Variants in CTNNA3 observed in about 807,000 individuals in gnomAD.
CTNNA3 encodes catenin alpha 3.
In CTNNA3, 76 loss-of-function variants were observed where a neutral mutation model predicts 95.7. The observed-to-expected ratio is 0.79, with a 90% CI of 0.66 to 0.96. The LOEUF is 0.96. Ranked by LOEUF, CTNNA3 falls within the 40% of genes least tolerant of loss-of-function variation. The pLI is 0.00. For synonymous variants in CTNNA3, 431 were observed against 374.4 expected, an observed-to-expected ratio of 1.15 and a Z score of -1.74; for missense variants, 1,191 against 1,089.8, an observed-to-expected ratio of 1.09 and a Z score of -1.31.
intron 9 of CTNNA3, among the ~76,000 whole-genome samples, chr10:66,736,754 T>G (rs1849157503): frequency 6.6e-6 from 1 of 152,094 alleles, no homozygotes; most frequent in African/African-American, 2.4e-5. Flanking sequence ...TTAATCCGTA[T>G]TATTCGTTTA....
chr10:66,360,744 CT>C (rs1215771181), intron 12 of CTNNA3, among the ~76,000 whole-genome samples: 2 of 35,334 alleles, frequency 5.7e-5, no homozygotes, highest in African/African-American at 2.1e-4. Context: ...TTCTTTCTTT[CT>C]TCCTTCCTTC....
chr10:66,166,857 A>C (rs2085158021), intron 13 of CTNNA3, among the ~76,000 whole-genome samples: 1 of 152,222 alleles, frequency 6.6e-6, no homozygotes. Flanking sequence ...TAAAGGATAC[A>C]TAAAACAGGA....
At chr10:66,041,425 G>T (rs1332288873) in intron 15 of CTNNA3, among the ~76,000 whole-genome samples, 1 of 152,150 alleles carries the variant, frequency 6.6e-6, no homozygotes, top group Non-Finnish European at 1.5e-5. Context: ...TTAATTTCAT[G>T]GTTTTGATCA....
intron 5 of CTNNA3, among the ~76,000 whole-genome samples, chr10:67,515,801 A>C (rs1839793520): frequency 6.6e-6 from 1 of 152,226 alleles, no homozygotes; most frequent in Admixed American, 6.5e-5. Flanking sequence ...AACATACTTC[A>C]TCTTACAAAG....
chr10:67,202,529 T>C (rs1200717746), intron 6 of CTNNA3, among the ~76,000 whole-genome samples: 1 of 152,158 alleles, frequency 6.6e-6, no homozygotes, highest in Non-Finnish European at 1.5e-5. Flanking sequence ...CAGATTCCTC[T>C]AAATTAAAGC....
chr10:67,224,234 C>A (rs1201521591), intron 5 of CTNNA3, among the ~76,000 whole-genome samples: 5 of 152,160 alleles, frequency 3.3e-5, no homozygotes, highest in African/African-American at 1.2e-4. Flanking sequence ...TACCCTTTGA[C>A]CAATATGTCC....
intron 7 of CTNNA3, among the ~76,000 whole-genome samples, chr10:66,999,155 A>G (rs1036330632): frequency 2.0e-5 from 3 of 152,112 alleles, no homozygotes; most frequent in African/African-American, 7.2e-5. Context: ...TTTATTTATC[A>G]TTTTCAATTG....
At chr10:66,456,106 T>C (rs892406773) in intron 11 of CTNNA3, among the ~76,000 whole-genome samples, 1 of 152,140 alleles carries the variant, frequency 6.6e-6, no homozygotes, top group African/African-American at 2.4e-5. Context: ...CATAGTAAAA[T>C]GCCATTTCTT....
At chr10:65,971,699 C>T (rs966370359) in intron 16 of CTNNA3, among the ~76,000 whole-genome samples, 1 of 151,844 alleles carries the variant, frequency 6.6e-6, no homozygotes, top group African/African-American at 2.4e-5. Context: ...CCAACAACAA[C>T]AAAAAGAGCC....
At chr10:66,517,995 C>T (rs1236075407) in intron 11 of CTNNA3, among the ~76,000 whole-genome samples, 1 of 152,082 alleles carries the variant, frequency 6.6e-6, no homozygotes, top group Non-Finnish European at 1.5e-5. Flanking sequence ...ATGAAAATAT[C>T]CCTCTCCACA....
chr10:67,745,944 G>C (rs950983523), intron 1 of CTNNA3, among the ~76,000 whole-genome samples: 1 of 152,102 alleles, frequency 6.6e-6, no homozygotes, highest in African/African-American at 2.4e-5. Flanking sequence ...AAAATAGAAA[G>C]ATATTCCATG....
intron 5 of CTNNA3, among the ~76,000 whole-genome samples, chr10:67,355,004 T>C (rs1387790558): frequency 6.6e-6 from 1 of 151,976 alleles, no homozygotes; most frequent in Non-Finnish European, 1.5e-5. Flanking sequence ...GAAAAAAATT[T>C]AATCCCTTCC....
chr10:66,492,885 G>A (rs1839972408), intron 11 of CTNNA3, among the ~76,000 whole-genome samples: 3 of 152,260 alleles, frequency 2.0e-5, no homozygotes, highest in Admixed American at 2.0e-4. Flanking sequence ...CAAAATAGGA[G>A]TTGAATGGTT....
chr10:66,933,520 T>C (rs534255309), intron 7 of CTNNA3, among the ~76,000 whole-genome samples: 18 of 152,294 alleles, frequency 1.2e-4, no homozygotes, highest in African/African-American at 4.1e-4. Context: ...TATGGCAACA[T>C]GACATCATTA....
chr10:66,044,347 C>T (rs979736229), intron 15 of CTNNA3, among the ~76,000 whole-genome samples: 1 of 151,996 alleles, frequency 6.6e-6, no homozygotes, highest in Non-Finnish European at 1.5e-5. Context: ...TATATTTATC[C>T]AGAAAAATCA....
chr10:66,638,820 A>G (rs907542194), intron 9 of CTNNA3, among the ~76,000 whole-genome samples: 5 of 151,896 alleles, frequency 3.3e-5, no homozygotes, highest in African/African-American at 1.2e-4. Context: ...TTCTTGTCAC[A>G]TAGTTTCTTT....
chr10:66,336,805 C>T (rs546195933), intron 12 of CTNNA3, among the ~76,000 whole-genome samples: 2 of 152,196 alleles, frequency 1.3e-5, no homozygotes, highest in East Asian at 1.9e-4. Context: ...TATAGCAATG[C>T]TTCTCAAAGA....
chr10:67,734,985 T>C (rs547034867), intron 1 of CTNNA3, among the ~76,000 whole-genome samples: 1 of 152,252 alleles, frequency 6.6e-6, no homozygotes, highest in African/African-American at 2.4e-5. Context: ...ACAAAACAGT[T>C]TCTTAAAAGG....
At chr10:67,042,678 G>A (rs755198867) in intron 7 of CTNNA3, among the ~76,000 whole-genome samples, 62 of 151,918 alleles carry the variant, frequency 4.1e-4, no homozygotes, top group Non-Finnish European at 6.9e-4. Flanking sequence ...GGTAAGAGTG[G>A]GGAAACTATT....
Sources: allele counts gnomAD v4.1 joint callset (sites outside exome capture counted in the v4.1 genomes callset), GRCh38; gene constraint gnomAD v4.1.1; transcripts MANE v1.5; gene names NCBI Gene and HGNC (gene_info 2026-07-23, HGNC 2026-07-21).